The following YARS1 variants were observed in gnomAD, a reference collection of about 807,000 sequenced individuals.
YARS1 encodes tyrosyl-tRNA synthetase 1.
In YARS1, 36 loss-of-function variants were observed where a neutral mutation model predicts 62.2. That is an observed-to-expected ratio of 0.58 (90% CI 0.44 to 0.76). YARS1 has a LOEUF of 0.76. Among genes scored for constraint, YARS1 ranks in the 30% least tolerant of loss-of-function variants. The pLI, the probability that YARS1 is intolerant of heterozygous loss-of-function variation, is 0.00. For synonymous variants in YARS1, 234 were observed against 244.9 expected, an observed-to-expected ratio of 0.96 and a Z score of 0.42; for missense variants, 524 against 639.8, an observed-to-expected ratio of 0.82 and a Z score of 1.95.
chr1:32,796,493 C>G (rs1653588262), intron 5 of YARS1, among the ~76,000 whole-genome samples: 1 of 151,736 alleles, frequency 6.6e-6, no homozygotes, highest in Non-Finnish European at 1.5e-5. Flanking sequence ...GCCTCGGCCT[C>G]CTGAATAGCT....
At chr1:32,807,916 T>A (rs1638498111) in intron 3 of YARS1, among the ~76,000 whole-genome samples, 1 of 152,184 alleles carries the variant, frequency 6.6e-6, no homozygotes, top group Non-Finnish European at 1.5e-5. Context: ...ATTTCCATGT[T>A]TTTTTGTTTT....
intron 4 of YARS1, among the ~76,000 whole-genome samples, chr1:32,800,579 G>C (rs1569753301): frequency 6.6e-6 from 1 of 151,628 alleles, no homozygotes; most frequent in African/African-American, 2.4e-5. Context: ...CAACAGCTTG[G>C]TTTGTACTTT....
At chr1:32,780,842 T>G (rs1021596109) in intron 10 of YARS1, 4 of 624,852 alleles carry the variant, frequency 6.4e-6, no homozygotes, top group Non-Finnish European at 1.2e-5. Context: ...TCCCCCATGC[T>G]GAGTTCCTGG....
At chr1:32,783,359 G>A (rs1653121559) in intron 8 of YARS1, 1 of 152,302 alleles carries the variant, frequency 6.6e-6, no homozygotes, top group Admixed American at 6.5e-5. Flanking sequence ...CGCCCAGGCT[G>A]GGGTGCAGTG....
chr1:32,816,086 G>A (rs2148619539), intron 1 of YARS1, among the ~76,000 whole-genome samples: 1 of 144,122 alleles, frequency 6.9e-6, no homozygotes, highest in South Asian at 2.2e-4. Flanking sequence ...TCCAGCCTGG[G>A]CGACAGAGCG....
intron 4 of YARS1, among the ~76,000 whole-genome samples, chr1:32,805,896 AG>A (rs1461082481): frequency 1.3e-5 from 2 of 152,218 alleles, no homozygotes; most frequent in Admixed American, 6.5e-5. Context: ...CGGGAGGCGG[AG>A]GTTGCAGTGA....
intron 1 of YARS1, among the ~76,000 whole-genome samples, chr1:32,812,872 G>A (rs758623559): frequency 1.3e-5 from 2 of 151,348 alleles, no homozygotes; most frequent in Non-Finnish European, 2.9e-5. Flanking sequence ...GGAGGCTGAG[G>A]CAGGAGAATC....
chr1:32,787,979 ACG>A (rs1653292450), intron 6 of YARS1, among the ~76,000 whole-genome samples: 1 of 151,926 alleles, frequency 6.6e-6, no homozygotes, highest in East Asian at 1.9e-4. Context: ...GTGTGGTTGT[ACG>A]CGCCTGTGGT....
At position 32,781,060 on chromosome 1, in the gene YARS1, G is replaced by A. The variant is rs777332870; in HGVS notation, c.1128C>T (p.Ile376=). ...SRLDIRVGKI[I]TVEKHPDADS... ...GAAAAATGAGTACCTTCTCCACAGT[G>A]ATGATTTTCCCCACACGGATATCCA... Residue 376 remains isoleucine, a synonymous_variant, in exon 10 of 13, where the codon ATC becomes ATT. Transcript: ENST00000373477. The A allele has an allele frequency of 1.1e-5, 18 of 1,614,052 alleles. No homozygotes were observed. Among genetic ancestry groups the A allele is most frequent in the Non-Finnish European group, 1.4e-5 (16 of 1,180,008 alleles).
intron 4 of YARS1, among the ~76,000 whole-genome samples, chr1:32,804,267 C>T (rs1165823470): frequency 1.3e-5 from 2 of 152,248 alleles, no homozygotes; most frequent in African/African-American, 2.4e-5. Flanking sequence ...TCCTCCCAGA[C>T]GGGGTGGCCG....
intron 4 of YARS1, among the ~76,000 whole-genome samples, chr1:32,803,885 C>T (rs965413828): frequency 3.3e-5 from 5 of 152,204 alleles, no homozygotes; most frequent in African/African-American, 9.6e-5. Flanking sequence ...GAGGACCCTG[C>T]GGCCTTCCGC....
At chr1:32,816,096 G>A (rs868515571) in intron 1 of YARS1, among the ~76,000 whole-genome samples, 2 of 132,356 alleles carry the variant, frequency 1.5e-5, no homozygotes, top group African/African-American at 5.9e-5. Flanking sequence ...GCGACAGAGC[G>A]AGACTCCGCC....
At chr1:32,792,645 C>T (rs1181188867) in intron 5 of YARS1, among the ~76,000 whole-genome samples, 3 of 152,120 alleles carry the variant, frequency 2.0e-5, no homozygotes, top group African/African-American at 7.2e-5. Flanking sequence ...AATCCCAGCA[C>T]TTTGGGAGGC....
intron 3 of YARS1, among the ~76,000 whole-genome samples, chr1:32,807,588 A>G (rs544687587): frequency 6.6e-6 from 1 of 151,280 alleles, no homozygotes; most frequent in Admixed American, 6.6e-5. Flanking sequence ...CTCCAAAGGA[A>G]CTAGGACTAT....
At chr1:32,779,806 G>A in intron 11 of YARS1, 1 of 606,722 alleles carries the variant, frequency 1.6e-6, no homozygotes, top group Non-Finnish European at 2.9e-6. Flanking sequence ...ATCAAAACTG[G>A]GATTTGAATC....
chr1:32,812,861 G>A (rs192041480), intron 1 of YARS1, among the ~76,000 whole-genome samples: 5 of 151,970 alleles, frequency 3.3e-5, no homozygotes, highest in Admixed American at 6.6e-5. Flanking sequence ...CCAGCTACTC[G>A]GGAGGCTGAG....
At chr1:32,785,915 T>G (rs976786603) in intron 8 of YARS1, among the ~76,000 whole-genome samples, 1 of 149,924 alleles carries the variant, frequency 6.7e-6, no homozygotes, top group Non-Finnish European at 1.5e-5. Context: ...TTTTAGTATC[T>G]CATGTAATTT....
At chr1:32,780,380 G>A (rs1653014079) in intron 10 of YARS1, 102 bp from the exon 11 acceptor site, 1 of 1,413,266 alleles carries the variant, frequency 7.1e-7, no homozygotes. Flanking sequence ...CCTTACAGAG[G>A]CCCCTGGAAA....
In YARS1 at chr1:32,787,020, T is replaced by G. The variant is rs761976136; in HGVS notation, c.740A>C (p.Lys247Thr). The G allele has an allele frequency of 4.5e-5, 72 of 1,614,068 alleles. No homozygotes were observed. The highest frequency in any genetic ancestry group is 5.8e-5 in the Non-Finnish European group (68 of 1,180,030). ...RKEDVKKKLK[K>T]AFCEPGNVEN... is the part of the protein sequence containing the mutation. ...CACATTTCCTGGCTCACAGAAGGCC[T>G]TCTTCAGTTTTTTCTTCACATCCTC... Residue 247 changes from lysine to threonine, a missense_variant, in exon 7 of 13, where the codon AAG (lysine) becomes ACG (threonine). Physicochemically the swap from Lys to Thr is moderately conservative, Grantham distance 78 (BLOSUM62 -1). Transcript: ENST00000373477.
Sources: gnomAD v4.1 joint callset for allele counts (sites outside exome capture counted in the v4.1 genomes callset) on GRCh38, gnomAD v4.1.1 for gene constraint, MANE v1.5 for transcripts, NCBI Gene and HGNC (gene_info 2026-07-23, HGNC 2026-07-21) for gene names.